The following GPHN variants were observed in gnomAD, a reference collection of about 807,000 sequenced individuals.
The protein encoded by GPHN is gephyrin.
GPHN carries 17 observed loss-of-function variants against 95.5 expected under a neutral mutation model. That is an observed-to-expected ratio of 0.18 (90% CI 0.12 to 0.27). GPHN has a LOEUF of 0.27. Among genes scored for constraint, GPHN ranks in the 10% least tolerant of loss-of-function variants. The pLI, the probability that GPHN is intolerant of heterozygous loss-of-function variation, is 1.00. For synonymous variants in GPHN, 320 were observed against 322.5 expected, an observed-to-expected ratio of 0.99 and a Z score of 0.08; for missense variants, 660 against 978.1, an observed-to-expected ratio of 0.67 and a Z score of 4.34.
chr14:67,198,076 C>A, the GPHN span: 1 of 1,494,368 alleles, frequency 6.7e-7, no homozygotes, highest in South Asian at 1.3e-5. Context: ...ATAAATGAAG[C>A]AACTTAATTA....
the GPHN span, chr14:67,559,525 G>T: frequency 1.1e-6 from 1 of 891,464 alleles, no homozygotes; most frequent in South Asian, 1.4e-5. Context: ...CGCACACTTG[G>T]CCTTTCTTGG....
chr14:67,154,732 G>A (rs1315764533), intron 18 of GPHN, among the ~76,000 whole-genome samples: 11 of 152,010 alleles, frequency 7.2e-5, no homozygotes, highest in South Asian at 2.1e-4. Flanking sequence ...AATGTTAGAA[G>A]CATTTAGTGC....
chr14:66,711,145 A>G (rs1400562223), intron 2 of GPHN, among the ~76,000 whole-genome samples: 1 of 152,054 alleles, frequency 6.6e-6, no homozygotes, highest in Non-Finnish European at 1.5e-5. Flanking sequence ...TGCACCCATC[A>G]CCTGAGCAGT....
chr14:66,822,332 C>T (rs181957731), intron 3 of GPHN, among the ~76,000 whole-genome samples: 56 of 152,314 alleles, frequency 3.7e-4, no homozygotes, highest in Non-Finnish European at 5.9e-5. Flanking sequence ...AACAGATCGT[C>T]TCCTTAGACT....
intron 4 of GPHN, among the ~76,000 whole-genome samples, chr14:66,845,951 G>C (rs538854225): frequency 6.6e-6 from 1 of 152,002 alleles, no homozygotes. Flanking sequence ...ACTCTGTACC[G>C]TAGTGGCCTA....
At chr14:66,541,177 G>T (rs1243039524) in intron 1 of GPHN, among the ~76,000 whole-genome samples, 1 of 152,088 alleles carries the variant, frequency 6.6e-6, no homozygotes, top group Non-Finnish European at 1.5e-5. Context: ...TGAATTCCTG[G>T]CTTCAAGCGA....
At chr14:67,574,519 C>A in the GPHN span, 1 of 825,046 alleles carries the variant, frequency 1.2e-6, no homozygotes, top group Non-Finnish European at 1.8e-6. The surrounding 1 kb of genome is among the most constrained non-coding windows in gnomAD (Gnocchi z 4.2). Flanking sequence ...TCTCTGGGAG[C>A]CTCCTCACAG....
chr14:67,098,000 T>G (rs549607673), intron 12 of GPHN, among the ~76,000 whole-genome samples: 2 of 152,242 alleles, frequency 1.3e-5, no homozygotes, highest in African/African-American at 4.8e-5. Context: ...CATTAGAAAA[T>G]TGTTCACAAG....
At chr14:66,712,169 G>A (rs192039703) in intron 2 of GPHN, among the ~76,000 whole-genome samples, 51 of 152,272 alleles carry the variant, frequency 3.3e-4, no homozygotes, top group Admixed American at 2.7e-3. Flanking sequence ...TCGCCACACT[G>A]TCTTCCACAA....
chr14:66,785,663 A>AAATTG (rs1205563706), intron 3 of GPHN, among the ~76,000 whole-genome samples: 1 of 151,688 alleles, frequency 6.6e-6, no homozygotes, highest in African/African-American at 2.4e-5. Context: ...CAGTACTTAA[A>AAATTG]AATTGAAATT....
At chr14:66,918,304 G>T (rs377740701) in intron 6 of GPHN, among the ~76,000 whole-genome samples, 7 of 152,262 alleles carry the variant, frequency 4.6e-5, no homozygotes, top group African/African-American at 1.7e-4. Context: ...ATGCTCACCT[G>T]AGCCTTTGGT....
chr14:67,682,879 A>G, the GPHN span, among the ~76,000 whole-genome samples: 30 of 152,372 alleles, frequency 2.0e-4, no homozygotes, highest in East Asian at 5.4e-3. Context: ...AATCTATACA[A>G]TGAAATGTTA....
intron 4 of GPHN, among the ~76,000 whole-genome samples, chr14:66,840,194 A>G (rs2062019503): frequency 1.3e-5 from 2 of 152,096 alleles, no homozygotes; most frequent in Non-Finnish European, 2.9e-5. Context: ...CAGGAGAATC[A>G]TTTGTACCCA....
intron 1 of GPHN, among the ~76,000 whole-genome samples, chr14:66,646,775 T>A (rs2153359793): frequency 6.6e-6 from 1 of 152,250 alleles, no homozygotes; most frequent in South Asian, 2.1e-4. Context: ...AGTTTCAGTT[T>A]TACAAGATGG....
chr14:67,037,827 A>G (rs1250848189), intron 10 of GPHN, among the ~76,000 whole-genome samples: 1 of 151,916 alleles, frequency 6.6e-6, no homozygotes, highest in Non-Finnish European at 1.5e-5. Context: ...CATAGGGAGA[A>G]ATTGGAACCC....
chr14:67,630,879 C>T, the GPHN span, among the ~76,000 whole-genome samples: 4 of 152,070 alleles, frequency 2.6e-5, no homozygotes, highest in South Asian at 6.2e-4. Flanking sequence ...CACCGTGCCC[C>T]GCCCATGTAG....
chr14:67,676,277 G>A, the GPHN span, among the ~76,000 whole-genome samples: 2 of 152,106 alleles, frequency 1.3e-5, no homozygotes, highest in African/African-American at 4.8e-5. Context: ...ATTAGATCAA[G>A]TTCATTGGCT....
intron 4 of GPHN, among the ~76,000 whole-genome samples, chr14:66,878,200 C>T (rs1247883373): frequency 6.6e-6 from 1 of 152,096 alleles, no homozygotes; most frequent in African/African-American, 2.4e-5. Context: ...GGATCCCTTC[C>T]TTACACCTTA....
chr14:66,719,468 G>A (rs2070521923), intron 2 of GPHN, among the ~76,000 whole-genome samples: 1 of 152,108 alleles, frequency 6.6e-6, no homozygotes, highest in Non-Finnish European at 1.5e-5. Flanking sequence ...TCTCAGTTTG[G>A]GCAGTCACAT....
Sources: gnomAD v4.1 joint callset for allele counts (sites outside exome capture counted in the v4.1 genomes callset) on GRCh38, gnomAD v4.1.1 for gene constraint, Gnocchi (gnomAD v3.1) non-coding constraint, MANE v1.5 for transcripts, NCBI Gene and HGNC (gene_info 2026-07-23, HGNC 2026-07-21) for gene names.